Variants in NID2 observed in about 807,000 individuals in gnomAD.
NID2 encodes the protein nidogen-2.
NID2 carries 83 observed loss-of-function variants against 145.4 expected under a neutral mutation model. The ratio of observed to expected loss-of-function variants is 0.57; its 90% CI spans 0.48 to 0.69. The LOEUF is 0.69. Among genes scored for constraint, NID2 ranks in the 30% least tolerant of loss-of-function variants. The pLI is 0.00. For missense variants in NID2, 1,807 were observed against 1,765.7 expected (o/e 1.02, Z -0.42); for synonymous variants, 739 against 701.3 (o/e 1.05, Z -0.85).
intron 12 of NID2, among the ~76,000 whole-genome samples, chr14:52,022,226 C>T (rs1891426413): frequency 6.7e-6 from 1 of 150,234 alleles, no homozygotes; most frequent in African/African-American, 2.5e-5. Context: ...AGCCTTCCTC[C>T]CCACAGATAC....
At chr14:52,025,235 G>A (rs1337649367) in intron 12 of NID2, among the ~76,000 whole-genome samples, 12 of 151,856 alleles carry the variant, frequency 7.9e-5, no homozygotes, top group African/African-American at 2.9e-4. Context: ...ACCTGTAGAG[G>A]GTATCTGTAA....
intron 5 of NID2, among the ~76,000 whole-genome samples, chr14:52,043,238 T>C (rs1398842878): frequency 6.6e-6 from 1 of 152,232 alleles, no homozygotes; most frequent in Non-Finnish European, 1.5e-5. Context: ...TTGAACTTCA[T>C]GAAACCACTA....
chr14:52,051,634 GAAAC>G (rs1258883415), intron 5 of NID2, among the ~76,000 whole-genome samples: 1 of 152,180 alleles, frequency 6.6e-6, no homozygotes, highest in African/African-American at 2.4e-5. Flanking sequence ...TTATGTGAAA[GAAAC>G]AGTCACTGCA....
Position 52,042,262 on chromosome 14 carries a change from C to T in NID2, c.1668G>A (p.Ala556=), listed in dbSNP as rs769953302. The change falls in exon 7 of 22, where the codon GCG becomes GCA. Residue 556 remains alanine, a synonymous_variant. Coordinates refer to ENST00000216286, the MANE Select transcript of NID2 (RefSeq NM_007361.4). ...PVHFTDVDLH[A]YIVGNDGRAY... Reference sequence around the variant, plus strand: ...CTCTGCCATCATTGCCCACGATATACGCATGCAGGTCCACATCAGTGAAGT... The same window carrying T: ...CTCTGCCATCATTGCCCACGATATATGCATGCAGGTCCACATCAGTGAAGT... 43 of 1,614,038 alleles carry T rather than the reference C, an allele frequency of 2.7e-5. No individual in the cohort carries two copies. Among genetic ancestry groups the T allele is most frequent in the Admixed American group, 1.8e-4 (11 of 60,008 alleles).
chr14:52,010,381 T>A (rs761775320), intron 18 of NID2: 1 of 153,332 alleles, frequency 6.5e-6, no homozygotes, highest in Admixed American at 6.4e-5. Flanking sequence ...TTAGCAATTA[T>A]ACAGACAGGG....
chr14:52,047,881 G>A (rs1283642304), intron 5 of NID2, among the ~76,000 whole-genome samples: 4 of 152,072 alleles, frequency 2.6e-5, no homozygotes, highest in African/African-American at 4.8e-5. Flanking sequence ...CATTTCTCCC[G>A]GTGGATTCCA....
chr14:52,059,012 GATAAA>G (rs2140429285), intron 3 of NID2, among the ~76,000 whole-genome samples: 2 of 152,138 alleles, frequency 1.3e-5, no homozygotes, highest in East Asian at 3.9e-4. Context: ...CTCAGCATAA[GATAAA>G]ATAAGTAGTT....
chr14:52,043,277 C>T (rs1234102718), intron 5 of NID2, among the ~76,000 whole-genome samples: 1 of 152,172 alleles, frequency 6.6e-6, no homozygotes, highest in Non-Finnish European at 1.5e-5. Context: ...GGCTAAATAT[C>T]AGCACTTTTA....
chr14:52,067,135 A>C (rs1356341631), intron 2 of NID2, among the ~76,000 whole-genome samples: 2 of 152,232 alleles, frequency 1.3e-5, no homozygotes, highest in Admixed American at 6.5e-5. Flanking sequence ...GCTTTTTAAA[A>C]AGTGATTCAC....
At chr14:52,068,315 C>A in intron 1 of NID2, 152 bp from the exon 2 acceptor site, 3 of 786,404 alleles carry the variant, frequency 3.8e-6, no homozygotes, top group Non-Finnish European at 2.1e-6. Context: ...ACAAGCGCAA[C>A]TTTTGCGACT....
Position 52,039,752 on chromosome 14 carries a change from G to A in NID2, c.2027-775C>T, listed in dbSNP as rs146568709. Among the ~76,000 whole-genome samples, 6 of 152,320 alleles carry A rather than the reference G, an allele frequency of 3.9e-5. No individual in the cohort carries two copies. In the East Asian group the frequency reaches 1.2e-3, roughly 29 times the overall value. On this transcript the variant is annotated intron_variant, in intron 8 of 21. Transcript: ENST00000216286. The stretch of plus-strand genomic sequence containing the variant: ...GTAGTACTTTCACAGAACACATCAC[G>A]CTTCGCACACATTGATCACATAATA...
chr14:52,015,179 TGGGGCACGTACTGGTCATCC>T lies in NID2; in HGVS notation c.3105_3124del (p.Asp1036ValfsTer3). ...GATGAAGTGGCCCAGGTCATCGCAC[TGGGGCACGTACTGGTCATCC>T]CGGGGGGTGCCACCGTAGTGCTCCA... On this transcript the variant is annotated frameshift_variant, in exon 15 of 22. Transcript: ENST00000216286. LOFTEE classifies it high-confidence loss of function. 1 of 1,613,806 alleles carries T rather than the reference TGGGGCACGTACTGGTCATCC, an allele frequency of 6.2e-7. No individual in the cohort carries two copies. The highest frequency in any genetic ancestry group is 8.5e-7 in the Non-Finnish European group (1 of 1,179,990).
intron 2 of NID2, among the ~76,000 whole-genome samples, chr14:52,062,463 A>C (rs1893046555): frequency 6.6e-6 from 1 of 152,226 alleles, no homozygotes; most frequent in Non-Finnish European, 1.5e-5. Context: ...CCTCATGTCT[A>C]TCCATAAGAT....
intron 5 of NID2, among the ~76,000 whole-genome samples, chr14:52,046,068 A>C (rs72680317): frequency 0.16 from 24,656 of 152,180 alleles, 2,709 homozygotes; most frequent in East Asian, 0.51. Context: ...TCACACCTGT[A>C]ATCCCAGCAC....
At chr14:52,039,075 G>T in intron 8 of NID2, 98 bp from the exon 9 acceptor site, 1 of 869,084 alleles carries the variant, frequency 1.2e-6, no homozygotes, top group Non-Finnish European at 1.7e-6. Context: ...AATTCTTGGA[G>T]TGTGTTCCCT....
chr14:52,029,439 A>G (rs1891716477), intron 10 of NID2, 108 bp downstream of exon 10: 2 of 1,005,870 alleles, frequency 2.0e-6, no homozygotes, highest in South Asian at 1.8e-5. Context: ...ATCATTGACA[A>G]TGGAGGTTGT....
chr14:52,028,579 T>G (rs762410899), intron 11 of NID2, 143 bp downstream of exon 11: 96 of 924,618 alleles, frequency 1.0e-4, no homozygotes, highest in Non-Finnish European at 1.4e-4. Context: ...CAGCCAGCTT[T>G]GGGTTATTTT....
intron 9 of NID2, among the ~76,000 whole-genome samples, chr14:52,033,736 A>C (rs1462058552): frequency 1.3e-5 from 2 of 152,124 alleles, no homozygotes; most frequent in Admixed American, 6.5e-5. Context: ...CCTCCTATTC[A>C]GGTAGAATGA....
At chr14:52,060,650 T>C (rs988446216) in intron 2 of NID2, among the ~76,000 whole-genome samples, 1 of 152,220 alleles carries the variant, frequency 6.6e-6, no homozygotes, top group Non-Finnish European at 1.5e-5. Context: ...ATATATACTT[T>C]GTAAGGTTTC....
Sources: allele counts gnomAD v4.1 joint callset (sites outside exome capture counted in the v4.1 genomes callset), GRCh38; gene constraint gnomAD v4.1.1; transcripts MANE v1.5; gene names NCBI Gene and HGNC (gene_info 2026-07-23, HGNC 2026-07-21).